IQCM: variants seen among roughly 807,000 people sequenced by gnomAD.
IQCM encodes the protein IQ domain-containing protein M.
A neutral mutation model predicts 57.6 loss-of-function variants in IQCM; 45 were observed. The observed-to-expected ratio is 0.78, with a 90% confidence interval of 0.62 to 1.00. IQCM has a LOEUF of 1.00. Ranked by LOEUF, IQCM falls within the 50% of genes least tolerant of loss-of-function variation. The probability of loss-of-function intolerance (pLI) is 0.00; values close to 1 mark genes in which losing one functional copy is unlikely to be tolerated. For synonymous variants in IQCM, 148 were observed against 158.9 expected (o/e 0.93, Z 0.51); for missense variants, 468 against 511.6 (o/e 0.91, Z 0.82).
chr4:149,688,171 C>A (rs1003648692), intron 5 of IQCM, among the ~76,000 whole-genome samples: 20 of 151,998 alleles, frequency 1.3e-4, no homozygotes, highest in Admixed American at 8.5e-4. Context: ...TCACTGTTTG[C>A]TGAAGATATG....
intron 2 of IQCM, among the ~76,000 whole-genome samples, chr4:149,800,930 C>T (rs887481763): frequency 1.3e-5 from 2 of 151,926 alleles, no homozygotes; most frequent in Non-Finnish European, 2.9e-5. Flanking sequence ...AAATTCAATG[C>T]AATCCCTATC....
chr4:149,744,159 G>T (rs1377318039), intron 2 of IQCM, among the ~76,000 whole-genome samples: 1 of 152,078 alleles, frequency 6.6e-6, no homozygotes, highest in South Asian at 2.1e-4. Context: ...TACCATTGCA[G>T]GTACAGTTTT....
At chr4:149,513,448 T>G (rs1399866287) in intron 12 of IQCM, among the ~76,000 whole-genome samples, 1 of 152,162 alleles carries the variant, frequency 6.6e-6, no homozygotes, top group Non-Finnish European at 1.5e-5. Flanking sequence ...AGGACCACAT[T>G]TATCCATTTA....
intron 5 of IQCM, among the ~76,000 whole-genome samples, chr4:149,728,868 A>G (rs1173907324): frequency 6.6e-6 from 1 of 152,188 alleles, no homozygotes; most frequent in East Asian, 1.9e-4. Context: ...CACTACATCC[A>G]GCTCAGAGAG....
At chr4:149,671,204 G>C (rs565097617) in intron 7 of IQCM, among the ~76,000 whole-genome samples, 11 of 152,196 alleles carry the variant, frequency 7.2e-5, no homozygotes, top group African/African-American at 2.6e-4. Flanking sequence ...TCCTGGTTTA[G>C]TCTTGGGAGG....
chr4:149,734,484 C>T (rs902201552), intron 4 of IQCM, among the ~76,000 whole-genome samples: 1 of 151,982 alleles, frequency 6.6e-6, no homozygotes, highest in African/African-American at 2.4e-5. Flanking sequence ...GTATGTATGG[C>T]CAGTCTTGGC....
At chr4:149,695,065 TGTGTGG>T (rs1269220014) in intron 5 of IQCM, among the ~76,000 whole-genome samples, 29 of 152,176 alleles carry the variant, frequency 1.9e-4, no homozygotes, top group Non-Finnish European at 2.8e-4. Context: ...CACATTCTAG[TGTGTGG>T]GCTGGGTAGA....
chr4:149,767,431 T>A (rs1354488683), intron 2 of IQCM, among the ~76,000 whole-genome samples: 1 of 152,172 alleles, frequency 6.6e-6, no homozygotes, highest in African/African-American at 2.4e-5. Flanking sequence ...TTTCAACATA[T>A]GTTCACAATA....
intron 2 of IQCM, among the ~76,000 whole-genome samples, chr4:149,745,121 A>C (rs548360891): frequency 1.8e-4 from 28 of 152,292 alleles, no homozygotes; most frequent in Middle Eastern, 3.4e-3. Flanking sequence ...TGAGTGGATC[A>C]GAATGCCTAA....
At chr4:149,634,025 T>A (rs1007997085) in intron 7 of IQCM, among the ~76,000 whole-genome samples, 7 of 152,230 alleles carry the variant, frequency 4.6e-5, no homozygotes, top group Non-Finnish European at 1.0e-4. Context: ...TATTTATTTA[T>A]TTGAGACAGA....
chr4:149,711,774 T>C (rs1764579035), intron 5 of IQCM, among the ~76,000 whole-genome samples: 1 of 152,222 alleles, frequency 6.6e-6, no homozygotes, highest in Non-Finnish European at 1.5e-5. Flanking sequence ...CAGTTGAGTA[T>C]AGTTGGACAC....
intron 13 of IQCM, among the ~76,000 whole-genome samples, chr4:149,417,798 G>A (rs969116539): frequency 4.6e-5 from 7 of 150,662 alleles, no homozygotes; most frequent in Non-Finnish European, 1.0e-4. Flanking sequence ...TGCAACAAAA[G>A]CATTCTCTAT....
intron 10 of IQCM, among the ~76,000 whole-genome samples, chr4:149,557,640 T>G (rs559688710): frequency 3.3e-5 from 5 of 152,108 alleles, no homozygotes; most frequent in Non-Finnish European, 5.9e-5. Flanking sequence ...GAAAAAACAA[T>G]TAGTTTATTG....
chr4:149,589,541 A>G (rs1579600464), intron 8 of IQCM, among the ~76,000 whole-genome samples: 1 of 152,112 alleles, frequency 6.6e-6, no homozygotes, highest in East Asian at 1.9e-4. Context: ...AATCTCTTTT[A>G]CTGAGTTAAG....
At chr4:149,475,782 T>C (rs1405995470) in intron 12 of IQCM, among the ~76,000 whole-genome samples, 1 of 152,172 alleles carries the variant, frequency 6.6e-6, no homozygotes, top group East Asian at 1.9e-4. Context: ...AACTTTGGGA[T>C]ATCATGCTGA....
intron 12 of IQCM, among the ~76,000 whole-genome samples, chr4:149,454,121 A>T (rs1265991157): frequency 1.3e-5 from 2 of 150,010 alleles, no homozygotes; most frequent in African/African-American, 2.4e-5. Context: ...AAATTCCGAT[A>T]AAGGTAGACT....
intron 7 of IQCM, among the ~76,000 whole-genome samples, chr4:149,658,931 T>G (rs1759893074): frequency 6.6e-6 from 1 of 152,138 alleles, no homozygotes; most frequent in African/African-American, 2.4e-5. Context: ...CAGGAACACT[T>G]TGACCTTCTC....
At chr4:149,666,241 G>A (rs750626369) in intron 7 of IQCM, 2 of 152,262 alleles carry the variant, frequency 1.3e-5, no homozygotes, top group Non-Finnish European at 2.9e-5. Flanking sequence ...TCATCTCATT[G>A]GGACTGGCTA....
At chr4:149,432,478 G>C (rs910090075) in intron 13 of IQCM, among the ~76,000 whole-genome samples, 6 of 151,778 alleles carry the variant, frequency 4.0e-5, no homozygotes, top group African/African-American at 1.5e-4. Flanking sequence ...TTTATATCTT[G>C]AGCCATATAC....
Sources: allele counts gnomAD v4.1 joint callset (sites outside exome capture counted in the v4.1 genomes callset), GRCh38; gene constraint gnomAD v4.1.1; transcripts MANE v1.5; gene names NCBI Gene and HGNC (gene_info 2026-07-23, HGNC 2026-07-21).